The following NDST3 variants were observed in gnomAD, a reference collection of about 807,000 sequenced individuals.
NDST3 encodes N-deacetylase and N-sulfotransferase 3.
NDST3 carries 58 observed loss-of-function variants against 96.1 expected under a neutral mutation model. The observed-to-expected ratio is 0.60, with a 90% CI of 0.49 to 0.75. The LOEUF is 0.75. Ranked by LOEUF, NDST3 falls within the 30% of genes least tolerant of loss-of-function variation. The pLI is 0.00. For synonymous variants in NDST3, 333 were observed against 359.7 expected (o/e 0.93, Z 0.84); for missense variants, 788 against 1,034.2 (o/e 0.76, Z 3.27).
intron 6 of NDST3, among the ~76,000 whole-genome samples, chr4:118,148,781 G>A (rs952916207): frequency 6.6e-6 from 1 of 152,116 alleles, no homozygotes; most frequent in African/African-American, 2.4e-5. Context: ...GAAGTTTTAT[G>A]TTTCTTTTTT....
chr4:118,187,291 G>C (rs954134054), intron 6 of NDST3, among the ~76,000 whole-genome samples: 1 of 152,166 alleles, frequency 6.6e-6, no homozygotes, highest in Non-Finnish European at 1.5e-5. Context: ...CTGTTGTGTA[G>C]CCAGAGCTTT....
intron 6 of NDST3, among the ~76,000 whole-genome samples, chr4:118,181,614 C>T (rs1292395783): frequency 6.6e-6 from 1 of 152,132 alleles, no homozygotes; most frequent in Non-Finnish European, 1.5e-5. Flanking sequence ...TCCAATTAAG[C>T]TCACTTCTGA....
At chr4:118,078,425 G>T (rs1047173278) in intron 2 of NDST3, among the ~76,000 whole-genome samples, 1 of 152,118 alleles carries the variant, frequency 6.6e-6, no homozygotes, top group Non-Finnish European at 1.5e-5. Flanking sequence ...TTGCATAGGT[G>T]AATATAATAT....
At chr4:118,211,120 G>A (rs1032881696) in intron 6 of NDST3, among the ~76,000 whole-genome samples, 1 of 152,104 alleles carries the variant, frequency 6.6e-6, no homozygotes, top group Non-Finnish European at 1.5e-5. Flanking sequence ...AGGATGAGAG[G>A]AGCAGATTTA....
At chr4:118,172,524 T>C (rs1342145700) in intron 6 of NDST3, among the ~76,000 whole-genome samples, 3 of 152,292 alleles carry the variant, frequency 2.0e-5, no homozygotes, top group South Asian at 2.1e-4. Context: ...ATGAGAGATA[T>C]GTATAAAAAG....
At chr4:118,128,975 T>G (rs11731179) in intron 4 of NDST3, among the ~76,000 whole-genome samples, 27,842 of 151,940 alleles carry the variant, frequency 0.18, 2,700 homozygotes, top group South Asian at 0.23. Flanking sequence ...TGTTGGCATA[T>G]AGTTGCTGAT....
intron 12 of NDST3, among the ~76,000 whole-genome samples, chr4:118,248,761 G>A (rs1741474985): frequency 6.6e-6 from 1 of 152,192 alleles, no homozygotes; most frequent in African/African-American, 2.4e-5. Flanking sequence ...GCTGCTTTCT[G>A]AATAGATGTG....
At position 118,075,719 on chromosome 4, in the gene NDST3, T is replaced by A. The variant is rs1727470264; in HGVS notation, c.981+20828T>A. ...TTCTTTTGAAAAGTGTCTGTTCATG[T>A]CCTTTGCCCACTTTTTGATGGGGCT... On this transcript the variant is annotated intron_variant, in intron 2 of 13. Coordinates refer to ENST00000296499, the MANE Select transcript of NDST3 (RefSeq NM_004784.3). Among the ~76,000 whole-genome samples the A allele has an allele frequency of 5.4e-5, 8 of 148,062 alleles. No individual in the cohort carries two copies. In the Admixed American group the frequency reaches 5.6e-4, roughly 10 times the overall value.
At chr4:118,144,163 G>C (rs903477779) in intron 6 of NDST3, among the ~76,000 whole-genome samples, 2 of 152,014 alleles carry the variant, frequency 1.3e-5, no homozygotes, top group African/African-American at 2.4e-5. Flanking sequence ...GGCTGAAGCA[G>C]AGCAGGCCTA....
chr4:118,059,323 C>G (rs1725710343), intron 2 of NDST3, among the ~76,000 whole-genome samples: 1 of 152,038 alleles, frequency 6.6e-6, no homozygotes, highest in African/African-American at 2.4e-5. Context: ...CATAACTTGT[C>G]TATTTGTGGA....
intron 1 of NDST3, among the ~76,000 whole-genome samples, chr4:118,041,588 A>G (rs1333744315): frequency 6.6e-6 from 1 of 152,162 alleles, no homozygotes; most frequent in Non-Finnish European, 1.5e-5. Context: ...TTCAACCACA[A>G]CTGTCAGTTC....
chr4:118,191,643 A>C, intron 6 of NDST3, among the ~76,000 whole-genome samples: 1 of 152,216 alleles, frequency 6.6e-6, no homozygotes, highest in East Asian at 1.9e-4. Flanking sequence ...TGAAACAGGA[A>C]TGCAATGTGT....
intron 5 of NDST3, among the ~76,000 whole-genome samples, chr4:118,140,963 T>C (rs1383884350): frequency 6.6e-6 from 1 of 152,164 alleles, no homozygotes; most frequent in African/African-American, 2.4e-5. Flanking sequence ...ACATCCTATC[T>C]ACTTACTGTT....
intron 2 of NDST3, among the ~76,000 whole-genome samples, chr4:118,085,778 T>C (rs899105856): frequency 3.3e-5 from 5 of 152,184 alleles, no homozygotes; most frequent in Non-Finnish European, 1.5e-5. Flanking sequence ...ATACATAACA[T>C]GGTCTCATGA....
chr4:118,244,626 T>C (rs1339491264), intron 12 of NDST3, among the ~76,000 whole-genome samples: 1 of 152,212 alleles, frequency 6.6e-6, no homozygotes, highest in Non-Finnish European at 1.5e-5. Context: ...TACAAATGTT[T>C]TGCTATGCAA....
intron 6 of NDST3, among the ~76,000 whole-genome samples, chr4:118,204,863 A>G (rs943360296): frequency 6.9e-6 from 1 of 144,764 alleles, no homozygotes. Flanking sequence ...AGAGAAAGTT[A>G]ACAGAGCAAT....
chr4:118,232,508 T>C (rs1740370054), intron 8 of NDST3, among the ~76,000 whole-genome samples: 2 of 151,726 alleles, frequency 1.3e-5, no homozygotes, highest in Non-Finnish European at 2.9e-5. Flanking sequence ...GGCACAGTGG[T>C]GCATCTCTGT....
At chr4:118,116,099 T>C (rs941690023) in intron 4 of NDST3, among the ~76,000 whole-genome samples, 1 of 152,202 alleles carries the variant, frequency 6.6e-6, no homozygotes, top group Non-Finnish European at 1.5e-5. Flanking sequence ...CATGTAAAAT[T>C]GGTAAAACGG....
Position 118,116,034 on chromosome 4 carries a change from G to C in NDST3, c.1224+1074G>C, listed in dbSNP as rs538761076. Among the ~76,000 whole-genome samples, 26 of 100,408 alleles carry C rather than the reference G, an allele frequency of 2.6e-4. No homozygotes were observed. In the South Asian group the frequency reaches 9.6e-3, roughly 37 times the overall value. The allele number at this position is 100,408 out of a possible 152,430, so 65.9% of individuals were successfully genotyped here. On this transcript the variant is annotated intron_variant, in intron 4 of 13. Coordinates refer to ENST00000296499, the MANE Select transcript of NDST3 (RefSeq NM_004784.3). ...AATGTTTTGATGGTATATGCAAACT[G>C]CTGTGAGAAGGAGAGTCATCTTTTT...
Sources: allele counts gnomAD v4.1 joint callset (sites outside exome capture counted in the v4.1 genomes callset), GRCh38; gene constraint gnomAD v4.1.1; transcripts MANE v1.5; gene names NCBI Gene and HGNC (gene_info 2026-07-23, HGNC 2026-07-21).